The following NEDD4L variants were observed in gnomAD, a reference collection of about 807,000 sequenced individuals.
The protein encoded by NEDD4L is E3 ubiquitin-protein ligase NEDD4-like.
A neutral mutation model predicts 148.9 loss-of-function variants in NEDD4L; 54 were observed. The ratio of observed to expected loss-of-function variants is 0.36; its 90% CI spans 0.29 to 0.45. NEDD4L has a LOEUF of 0.45. Ranked by LOEUF, NEDD4L falls within the 20% of genes least tolerant of loss-of-function variation. The probability of loss-of-function intolerance (pLI) is 1.00; values close to 1 mark genes in which losing one functional copy is unlikely to be tolerated. For synonymous variants in NEDD4L, 433 were observed against 440.7 expected, an observed-to-expected ratio of 0.98 and a Z score of 0.22; for missense variants, 856 against 1,233.8, an observed-to-expected ratio of 0.69 and a Z score of 4.59.
At chr18:58,340,325 G>T (rs2042264609) in intron 13 of NEDD4L, among the ~76,000 whole-genome samples, 1 of 152,166 alleles carries the variant, frequency 6.6e-6, no homozygotes, top group South Asian at 2.1e-4. Context: ...TGCGGGGCAG[G>T]TCTCTAAACC....
Position 58,129,080 on chromosome 18 carries a change from G to A in NEDD4L, c.49-36708G>A, listed in dbSNP as rs1040990588. Among the ~76,000 whole-genome samples the A allele has an allele frequency of 9.9e-5, 15 of 152,184 alleles. 1 individual carries two copies. The highest frequency in any genetic ancestry group is 5.8e-4 in the East Asian group (3 of 5,196). Reference sequence around the variant, plus strand: ...CATTTGAGATTAAAATAAAAAAAGCGGCCTGTGCTTTATCATTTTCTTTAA... The same window carrying A: ...CATTTGAGATTAAAATAAAAAAAGCAGCCTGTGCTTTATCATTTTCTTTAA... On this transcript the variant is annotated intron_variant, in intron 1 of 30. Coordinates refer to ENST00000400345, the MANE Select transcript of NEDD4L (RefSeq NM_001144967.3).
chr18:58,144,691 T>G (rs1395135993), intron 1 of NEDD4L, among the ~76,000 whole-genome samples: 1 of 151,714 alleles, frequency 6.6e-6, no homozygotes, highest in Non-Finnish European at 1.5e-5. Flanking sequence ...TAGATGAAGA[T>G]AAGGAACAAA....
intron 1 of NEDD4L, among the ~76,000 whole-genome samples, chr18:58,160,076 G>A (rs1335404597): frequency 2.0e-5 from 3 of 152,208 alleles, no homozygotes; most frequent in African/African-American, 7.2e-5. Context: ...CAAAGTCATA[G>A]GAGAAATGGT....
chr18:58,313,191 A>G (rs1170747067), intron 5 of NEDD4L, among the ~76,000 whole-genome samples: 2 of 152,190 alleles, frequency 1.3e-5, no homozygotes, highest in Admixed American at 1.3e-4. Context: ...AATAATTTCC[A>G]TCTCTATTCA....
chr18:58,395,956 G>A lies in NEDD4L; in HGVS notation c.2826-211G>A, dbSNP rs114613181. Among the ~76,000 whole-genome samples the A allele has an allele frequency of 5.4e-3, 816 of 152,190 alleles. 9 individuals carry two copies. Among genetic ancestry groups the A allele is most frequent in the African/African-American group, 0.019 (784 of 41,504 alleles). On this transcript the variant is annotated intron_variant, in intron 30 of 30. Transcript: ENST00000400345. ...ATCTGACTATAGCAAAGGTTTCATG[G>A]ACCATTTGAAAATGTTCTTTCTCTG...
intron 1 of NEDD4L, among the ~76,000 whole-genome samples, chr18:58,145,439 A>G (rs1011682811): frequency 6.6e-6 from 1 of 152,202 alleles, no homozygotes; most frequent in Non-Finnish European, 1.5e-5. Flanking sequence ...ATTTTTCTCA[A>G]TGAAACAGAT....
At chr18:58,221,150 G>A (rs530414546) in intron 2 of NEDD4L, among the ~76,000 whole-genome samples, 2 of 152,284 alleles carry the variant, frequency 1.3e-5, no homozygotes, top group South Asian at 2.1e-4. Flanking sequence ...CCCATCTGCC[G>A]AGTGTGGGGC....
At chr18:58,141,624 A>C (rs1459942558) in intron 1 of NEDD4L, among the ~76,000 whole-genome samples, 1 of 152,152 alleles carries the variant, frequency 6.6e-6, no homozygotes, top group African/African-American at 2.4e-5. Context: ...TTCATCATTC[A>C]TATGAAGAAG....
At chr18:58,360,633 G>A (rs753443894) in intron 19 of NEDD4L, among the ~76,000 whole-genome samples, 12 of 151,728 alleles carry the variant, frequency 7.9e-5, no homozygotes, top group Non-Finnish European at 1.5e-4. Context: ...TTATTTCTTA[G>A]CCTCTTTGAG....
Position 58,248,737 on chromosome 18 carries a change from C to G in NEDD4L, c.205-162C>G, listed in dbSNP as rs2304020. Among the ~76,000 whole-genome samples the G allele has an allele frequency of 0.091, 13,841 of 152,182 alleles. 733 individuals are homozygous for G. Among genetic ancestry groups the G allele is most frequent in the East Asian group, 0.16 (804 of 5,176 alleles). On this transcript the variant is annotated intron_variant, in intron 3 of 30. Coordinates refer to ENST00000400345, the MANE Select transcript of NEDD4L (RefSeq NM_001144967.3). ...CTGTTTCATAAATACATTCCCTCCC[C>G]CTCCAGTTTGGTTTGTACGCTAGTC...
At chr18:58,294,764 T>C (rs1030889700) in intron 5 of NEDD4L, among the ~76,000 whole-genome samples, 4 of 152,084 alleles carry the variant, frequency 2.6e-5, no homozygotes, top group Admixed American at 1.3e-4. Context: ...CAGGCAATCC[T>C]CCTGCCTCAG....
chr18:58,365,947 C>G, intron 20 of NEDD4L, 52 bp from the exon 21 acceptor site: 3 of 1,281,252 alleles, frequency 2.3e-6, no homozygotes, highest in Non-Finnish European at 3.2e-6. Context: ...TATTAGAAAA[C>G]AAAGTGTGTA....
At chr18:58,152,119 A>C (rs1437092559) in intron 1 of NEDD4L, among the ~76,000 whole-genome samples, 1 of 150,032 alleles carries the variant, frequency 6.7e-6, no homozygotes, top group Non-Finnish European at 1.5e-5. Context: ...AAAAAAAAAA[A>C]CTCAGTCATT....
At chr18:58,350,919 A>C in intron 17 of NEDD4L, 72 bp from the exon 18 acceptor site, 1 of 1,202,728 alleles carries the variant, frequency 8.3e-7, no homozygotes, top group East Asian at 2.5e-5. Context: ...TAGTTTTTAA[A>C]TGTTGCCTTT....
chr18:58,073,117 A>G (rs1407143113), intron 1 of NEDD4L, among the ~76,000 whole-genome samples: 2 of 152,212 alleles, frequency 1.3e-5, no homozygotes, highest in Non-Finnish European at 1.5e-5. Context: ...AAGAAAGGAC[A>G]TTCCATGTTC....
intron 2 of NEDD4L, among the ~76,000 whole-genome samples, chr18:58,183,542 T>C (rs1287720617): frequency 6.6e-6 from 1 of 152,212 alleles, no homozygotes; most frequent in African/African-American, 2.4e-5. Context: ...TCACCTGGGC[T>C]CTGAGCCAGC....
In NEDD4L at chr18:58,353,544, T is replaced by G. The variant is rs116125146; in HGVS notation, c.1708+2499T>G. 2.3e-3 allele frequency among the ~76,000 whole-genome samples: 350 copies of G among 152,350 alleles called. 5 individuals carry two copies. The highest frequency in any genetic ancestry group is 8.0e-3 in the African/African-American group (333 of 41,594). On this transcript the variant is annotated intron_variant, in intron 18 of 30. Coordinates refer to ENST00000400345, the MANE Select transcript of NEDD4L (RefSeq NM_001144967.3). ...CCATCGCTCCATAATTCATCAAGGT[T>G]TACTCAATGGAAAGCTGTAGAGCAG...
chr18:58,092,985 C>A (rs142167290), intron 1 of NEDD4L, among the ~76,000 whole-genome samples: 9 of 151,826 alleles, frequency 5.9e-5, no homozygotes, highest in Non-Finnish European at 1.0e-4. Flanking sequence ...CTCAGCCTTC[C>A]GAGTAGCTGG....
At position 58,172,641 on chromosome 18, in the gene NEDD4L, T is replaced by C. The variant is rs990398159; in HGVS notation, c.122+6780T>C. Among the ~76,000 whole-genome samples the C allele has an allele frequency of 5.9e-5, 9 of 152,210 alleles. No homozygotes were observed. In the East Asian group the frequency reaches 1.3e-3, roughly 23 times the overall value. On this transcript the variant is annotated intron_variant, in intron 2 of 30. Coordinates refer to ENST00000400345, the MANE Select transcript of NEDD4L (RefSeq NM_001144967.3). ...GCCTAACCTCTTAACAGAAGTTAGT[T>C]AGAGGCTGTTACTTGAGTGCTCACA...
Sources: gnomAD v4.1 joint callset for allele counts (sites outside exome capture counted in the v4.1 genomes callset) on GRCh38, gnomAD v4.1.1 for gene constraint, MANE v1.5 for transcripts, NCBI Gene and HGNC (gene_info 2026-07-23, HGNC 2026-07-21) for gene names.